The following OR52N2 variants were observed in gnomAD, a reference collection of about 807,000 sequenced individuals.
OR52N2 encodes the protein olfactory receptor 52N2.
For synonymous variants in OR52N2, 129 were observed against 72.0 expected (o/e 1.79, Z -4.01); for missense variants, 326 against 196.6 (o/e 1.66, Z -3.94).
chr11:5,815,840 T>C (rs1311489238), intron 1 of OR52N2, among the ~76,000 whole-genome samples: 1 of 151,894 alleles, frequency 6.6e-6, no homozygotes, highest in East Asian at 1.9e-4. Flanking sequence ...TGCCCATCAA[T>C]GGATGAATGA....
At chr11:5,820,175 G>C in intron 1 of OR52N2, 107 bp from the exon 2 acceptor site, 1 of 653,588 alleles carries the variant, frequency 1.5e-6, no homozygotes, top group South Asian at 1.8e-5. Flanking sequence ...TTGGAAGAAA[G>C]AATTTCTGGT....
chr11:5,821,161 C>T lies in OR52N2; in HGVS notation c.826C>T (p.His276Tyr), dbSNP rs1251203251. 6.4e-6 allele frequency: 5 copies of T among 780,932 alleles called. No homozygotes were observed. Among genetic ancestry groups the T allele is most frequent in the African/African-American group, 1.7e-5 (1 of 59,128 alleles). 48.4% of individuals were successfully genotyped at this position (780,932 alleles called of 1,614,324 possible). Reference protein sequence around the residue: ...FVGHNIPNHIHIIVANLYLLL... With the variant: ...FVGHNIPNHIYIIVANLYLLL... ...AGGACACAATATCCCAAACCACATA[C>T]ACATCATCGTGGCCAACCTTTATCT... The change falls in exon 2 of 2, where the codon CAC (histidine) becomes TAC (tyrosine). Residue 276 changes from histidine to tyrosine, a missense_variant. By Grantham distance (83) the His-to-Tyr change is moderately conservative (BLOSUM62 2). Transcript: ENST00000317037.
chr11:5,817,983 AAAT>A (rs1489669594), intron 1 of OR52N2, among the ~76,000 whole-genome samples: 2 of 152,172 alleles, frequency 1.3e-5, no homozygotes, highest in Non-Finnish European at 2.9e-5. Context: ...AATGTGCACA[AAAT>A]AATACTAGCT....
Position 5,820,464 on chromosome 11 carries a change from G to A in OR52N2, c.129G>A (p.Gly43=), listed in dbSNP as rs1357159826. ...TTATGTACATCATTGCTGTCGTGGG[G>A]AACTGTGGGCTCATCTGCCTCATCA... ...FCFMYIIAVV[G]NCGLICLISH... The change falls in exon 2 of 2, where the codon GGG becomes GGA. Residue 43 remains glycine (G), a synonymous_variant. Transcript: ENST00000317037. 1.3e-6 allele frequency: 1 copy of A among 780,050 alleles called. No individual in the cohort carries two copies. Among genetic ancestry groups the A allele is most frequent in the South Asian group, 1.3e-5 (1 of 74,452 alleles). The allele number at this position is 780,050 out of a possible 1,614,324, so 48.3% of individuals were successfully genotyped here.
chr11:5,813,087 T>C lies in OR52N2; in HGVS notation c.-55+4033T>C, dbSNP rs558402370. 2.6e-5 allele frequency among the ~76,000 whole-genome samples: 4 copies of C among 151,962 alleles called. No homozygotes were observed. The South Asian group carries it at 8.3e-4, about 32-fold the overall frequency. On this transcript the variant is annotated intron_variant, in intron 1 of 1. Transcript: ENST00000317037. ...AAAGCAGTTCTACAAGGAAAGTTCA[T>C]AGCAAGAAACACCTACATCAAAAAA...
chr11:5,810,279 T>C (rs1590364162), intron 1 of OR52N2, among the ~76,000 whole-genome samples: 1 of 152,190 alleles, frequency 6.6e-6, no homozygotes, highest in Admixed American at 6.5e-5. Flanking sequence ...CAGAACAAGG[T>C]ATTTTGCCTG....
chr11:5,813,049 A>C (rs1846376373), intron 1 of OR52N2, among the ~76,000 whole-genome samples: 1 of 152,056 alleles, frequency 6.6e-6, no homozygotes, highest in Admixed American at 6.5e-5. Flanking sequence ...AGGAAATCTC[A>C]TGAGATGCTA....
chr11:5,813,175 C>T (rs72896130), intron 1 of OR52N2, among the ~76,000 whole-genome samples: 16,251 of 150,624 alleles, frequency 0.11, 1,085 homozygotes, highest in East Asian at 0.25. Context: ...AAAGCTTAAC[C>T]CATGTAATTA....
intron 1 of OR52N2, among the ~76,000 whole-genome samples, chr11:5,813,602 T>G (rs1478516556): frequency 6.6e-6 from 1 of 152,086 alleles, no homozygotes; most frequent in Non-Finnish European, 1.5e-5. Flanking sequence ...ACCGAACATT[T>G]AAAGGGGAAT....
chr11:5,820,825 C>T lies in OR52N2; in HGVS notation c.490C>T (p.Leu164Phe), dbSNP rs778303813. 2.8e-5 allele frequency: 22 copies of T among 778,952 alleles called. No individual in the cohort carries two copies. Among genetic ancestry groups the T allele is most frequent in the Admixed American group, 1.5e-4 (9 of 58,924 alleles). 48.3% of individuals were successfully genotyped at this position (778,952 alleles called of 1,614,324 possible). Residue 164 changes from leucine (L) to phenylalanine (F), a missense_variant, in exon 2 of 2, where the codon CTC becomes TTC. By Grantham distance (22) the Leu-to-Phe change is conservative (BLOSUM62 0). Transcript: ENST00000317037. ...GATGCTCATCATCCCATTCACTCTC[C>T]TCACCAAGCGCCTGCCCTATTGCCG... ...NVMLIIPFTL[L>F]TKRLPYCRGN...
intron 1 of OR52N2, among the ~76,000 whole-genome samples, chr11:5,817,805 TAC>T (rs1381550251): frequency 2.6e-5 from 4 of 152,150 alleles, no homozygotes; most frequent in African/African-American, 9.7e-5. Context: ...CAGAAATGCA[TAC>T]AGAGTGGATT....
At chr11:5,815,219 C>A (rs114743902) in intron 1 of OR52N2, among the ~76,000 whole-genome samples, 2,313 of 151,936 alleles carry the variant, frequency 0.015, 52 homozygotes, top group African/African-American at 0.053. Flanking sequence ...AAGAAAAAAA[C>A]AGATAAATTA....
chr11:5,813,754 A>T (rs975123829), intron 1 of OR52N2, among the ~76,000 whole-genome samples: 1 of 152,184 alleles, frequency 6.6e-6, no homozygotes, highest in Admixed American at 6.5e-5. Context: ...ATCCTGTTAA[A>T]CAGATGCAAA....
Position 5,820,323 on chromosome 11 carries a change from C to A in OR52N2, c.-13C>A, listed in dbSNP as rs1186504378. The A allele has an allele frequency of 2.6e-6, 2 of 779,460 alleles. No homozygotes were observed. Among genetic ancestry groups the A allele is most frequent in the African/African-American group, 3.4e-5 (2 of 59,090 alleles). The allele number at this position is 779,460 out of a possible 1,614,324, so 48.3% of individuals were successfully genotyped here. ...GCTAAAGAGTATAAAATGCTCTCCT[C>A]CTGTCAGCCATCATGTCTGGGGACA... On this transcript the variant is annotated 5_prime_UTR_variant, in exon 2 of 2. Transcript: ENST00000317037.
intron 1 of OR52N2, among the ~76,000 whole-genome samples, chr11:5,816,250 T>C (rs2030555421): frequency 6.6e-6 from 1 of 151,806 alleles, no homozygotes. Flanking sequence ...AGATGGAGAG[T>C]GGTGATGGCT....
rs537560532 is a variant in OR52N2 at position 5,818,224 on chromosome 11, A to G, written c.-54-2058A>G. On this transcript the variant is annotated intron_variant, in intron 1 of 1. Coordinates refer to ENST00000317037, the MANE Select transcript of OR52N2 (RefSeq NM_001005174.3). ...GACATACTTCTCTTGTTGTAAGAGG[A>G]AAAAAAAAGTTTTAAAAAATTATGT... 2.0e-5 allele frequency among the ~76,000 whole-genome samples: 3 copies of G among 151,778 alleles called. No homozygotes were observed. The East Asian group carries it at 5.8e-4, about 29-fold the overall frequency.
rs200694985 is a variant in OR52N2 at position 5,821,025 on chromosome 11, G to C, written c.690G>C (p.Leu230=). The C allele has an allele frequency of 2.6e-6, 2 of 781,020 alleles. No homozygotes were observed. Among genetic ancestry groups the C allele is most frequent in the East Asian group, 2.4e-5 (1 of 41,238 alleles). The allele number at this position is 781,020 out of a possible 1,614,324, so 48.4% of individuals were successfully genotyped here. Reference sequence around the variant, plus strand: ...TGATTTTGCAGGCTGTTATGAGCCTGTCATCAGCAGATGCTCGTCACAAAG... The same window carrying C: ...TGATTTTGCAGGCTGTTATGAGCCTCTCATCAGCAGATGCTCGTCACAAAG... ...YTMILQAVMS[L]SSADARHKAF... The change falls in exon 2 of 2, where the codon CTG becomes CTC. Residue 230 remains leucine, a synonymous_variant. Coordinates refer to ENST00000317037, the MANE Select transcript of OR52N2 (RefSeq NM_001005174.3).
chr11:5,812,245 A>G (rs1291743841), intron 1 of OR52N2, among the ~76,000 whole-genome samples: 4 of 151,992 alleles, frequency 2.6e-5, no homozygotes, highest in African/African-American at 9.7e-5. Context: ...CTGTAATCCC[A>G]GCACTTTGGG....
In OR52N2 at chr11:5,821,360, A is replaced by C; in HGVS notation, c.*59A>C. 1.5e-6 allele frequency: 1 copy of C among 685,996 alleles called. No individual in the cohort carries two copies. The highest frequency in any genetic ancestry group is 1.7e-5 in the South Asian group (1 of 59,128). The allele number at this position is 685,996 out of a possible 1,614,324, so 42.5% of individuals were successfully genotyped here. The stretch of plus-strand genomic sequence containing the variant: ...GAAAATAATGGAGACAAAATTTCAT[A>C]AAAGATGTGAATAAAATGGTATTAA... On this transcript the variant is annotated 3_prime_UTR_variant, in exon 2 of 2. Coordinates refer to ENST00000317037, the MANE Select transcript of OR52N2 (RefSeq NM_001005174.3).
Sources: allele counts gnomAD v4.1 joint callset (sites outside exome capture counted in the v4.1 genomes callset), GRCh38; gene constraint gnomAD v4.1.1; transcripts MANE v1.5; gene names NCBI Gene and HGNC (gene_info 2026-07-23, HGNC 2026-07-21).